Variants in PPP1R42 observed in about 807,000 individuals in gnomAD.
The protein encoded by PPP1R42 is protein phosphatase 1 regulatory subunit 42.
In PPP1R42, 34 loss-of-function variants were observed where a neutral mutation model predicts 31.0. That is an observed-to-expected ratio of 1.10 (90% CI 0.83 to 1.46). The LOEUF is 1.46. Among genes scored for constraint, PPP1R42 ranks in the 40% most tolerant of loss-of-function variants. The pLI is 0.00. For synonymous variants in PPP1R42, 103 were observed against 109.8 expected, an observed-to-expected ratio of 0.94 and a Z score of 0.39; for missense variants, 268 against 303.0, an observed-to-expected ratio of 0.88 and a Z score of 0.86.
At chr8:67,000,747 T>C (rs1326992522) in intron 5 of PPP1R42, among the ~76,000 whole-genome samples, 1 of 152,228 alleles carries the variant, frequency 6.6e-6, no homozygotes, top group Admixed American at 6.5e-5. Context: ...CGTGAGCCAC[T>C]GCACCCAGCT....
intron 1 of PPP1R42, among the ~76,000 whole-genome samples, chr8:67,024,278 TGTG>T (rs1816319712): frequency 6.6e-6 from 1 of 152,164 alleles, no homozygotes. Context: ...CATTAGGAGA[TGTG>T]GTGAAATACA....
chr8:66,998,890 C>T (rs1034744814), intron 5 of PPP1R42, among the ~76,000 whole-genome samples: 1 of 152,064 alleles, frequency 6.6e-6, no homozygotes, highest in African/African-American at 2.4e-5. Flanking sequence ...ATAAGCCTCA[C>T]CTGGTCATTG....
intron 5 of PPP1R42, among the ~76,000 whole-genome samples, chr8:66,996,422 T>C (rs1445176750): frequency 6.6e-6 from 1 of 152,220 alleles, no homozygotes; most frequent in East Asian, 1.9e-4. Context: ...TACACTAGGA[T>C]TGCCTCTTCT....
chr8:66,990,108 G>T (rs924159253), intron 5 of PPP1R42, among the ~76,000 whole-genome samples: 4 of 152,128 alleles, frequency 2.6e-5, no homozygotes, highest in African/African-American at 9.7e-5. Context: ...TCTGGAATAT[G>T]CCTTCTCCAA....
At chr8:67,008,764 A>G (rs961675775) in intron 5 of PPP1R42, among the ~76,000 whole-genome samples, 4 of 152,126 alleles carry the variant, frequency 2.6e-5, no homozygotes, top group Non-Finnish European at 4.4e-5. Context: ...ATAAGCAACA[A>G]TGAAGGTATT....
At chr8:66,976,671 T>C (rs1814685344) in intron 7 of PPP1R42, among the ~76,000 whole-genome samples, 1 of 152,138 alleles carries the variant, frequency 6.6e-6, no homozygotes. Flanking sequence ...TCACTTTCTG[T>C]TTCTGGCTTA....
At chr8:67,028,187 C>T (rs962957952) in intron 1 of PPP1R42, among the ~76,000 whole-genome samples, 2 of 152,172 alleles carry the variant, frequency 1.3e-5, no homozygotes, top group African/African-American at 4.8e-5. Context: ...AGCCCTCAGG[C>T]TTTTCAAAAC....
At chr8:66,987,287 C>CT (rs71249412) in intron 6 of PPP1R42, among the ~76,000 whole-genome samples, 10,781 of 106,048 alleles carry the variant, frequency 0.1, 1,337 homozygotes, top group African/African-American at 0.26. Flanking sequence ...AGCAAATGAT[C>CT]TTTTTTTTTT....
At chr8:66,999,409 C>T (rs948510098) in intron 5 of PPP1R42, among the ~76,000 whole-genome samples, 5 of 152,248 alleles carry the variant, frequency 3.3e-5, no homozygotes, top group Non-Finnish European at 7.4e-5. Flanking sequence ...TTAGTAGAGA[C>T]GGGGTTTCGC....
chr8:66,966,221 G>A (rs1339063811), intron 7 of PPP1R42, among the ~76,000 whole-genome samples: 1 of 152,102 alleles, frequency 6.6e-6, no homozygotes, highest in Admixed American at 6.5e-5. Flanking sequence ...CCTTTAGTTG[G>A]GCATGTGCTT....
intron 5 of PPP1R42, among the ~76,000 whole-genome samples, chr8:67,009,827 T>C (rs1815791586): frequency 6.6e-6 from 1 of 152,210 alleles, no homozygotes; most frequent in African/African-American, 2.4e-5. Flanking sequence ...AGGTCTGAAT[T>C]TGGAAACAAG....
At chr8:66,979,837 ATAT>A (rs766718399) in intron 7 of PPP1R42, among the ~76,000 whole-genome samples, 7 of 152,296 alleles carry the variant, frequency 4.6e-5, no homozygotes, top group South Asian at 2.1e-4. Context: ...ATTTAAAGAC[ATAT>A]TATTATTTTG....
At chr8:66,995,510 A>T (rs986344950) in intron 5 of PPP1R42, among the ~76,000 whole-genome samples, 4 of 152,128 alleles carry the variant, frequency 2.6e-5, no homozygotes, top group African/African-American at 9.7e-5. Context: ...TCTCCAGAAT[A>T]TTTTTTTGTG....
At chr8:66,992,160 C>T (rs1217761987) in intron 5 of PPP1R42, among the ~76,000 whole-genome samples, 2 of 152,154 alleles carry the variant, frequency 1.3e-5, no homozygotes, top group Non-Finnish European at 2.9e-5. Context: ...ATTCTACGTT[C>T]TTGCATGGAT....
chr8:66,987,382 A>G (rs1201410243), intron 6 of PPP1R42, among the ~76,000 whole-genome samples: 1 of 143,222 alleles, frequency 7.0e-6, no homozygotes, highest in African/African-American at 2.6e-5. Context: ...ACCTCCGCCT[A>G]CCAGTTTCAA....
intron 6 of PPP1R42, chr8:66,985,546 T>A: frequency 7.6e-7 from 1 of 1,317,232 alleles, no homozygotes; most frequent in South Asian, 1.2e-5. Context: ...GCCCACCATG[T>A]TGGCATTGCT....
At chr8:67,011,510 C>G (rs1405554099) in intron 4 of PPP1R42, among the ~76,000 whole-genome samples, 3 of 152,108 alleles carry the variant, frequency 2.0e-5, no homozygotes, top group Admixed American at 6.5e-5. Flanking sequence ...AAAACTCCGT[C>G]TCAAAAAAAG....
chr8:66,973,743 C>G (rs1814598990), intron 7 of PPP1R42, among the ~76,000 whole-genome samples: 1 of 152,092 alleles, frequency 6.6e-6, no homozygotes, highest in African/African-American at 2.4e-5. Context: ...TAGTAAGTCT[C>G]CCTTTCCTCC....
intron 3 of PPP1R42, among the ~76,000 whole-genome samples, chr8:67,013,583 T>C (rs1361573476): frequency 6.6e-6 from 1 of 150,914 alleles, no homozygotes; most frequent in Non-Finnish European, 1.5e-5. Flanking sequence ...AGTCAGTTAT[T>C]GTGGTGCATA....
Sources: gnomAD v4.1 joint callset for allele counts (sites outside exome capture counted in the v4.1 genomes callset) on GRCh38, gnomAD v4.1.1 for gene constraint, MANE v1.5 for transcripts, NCBI Gene and HGNC (gene_info 2026-07-23, HGNC 2026-07-21) for gene names.